SYNPO2: variants seen among roughly 807,000 people sequenced by gnomAD.
The protein encoded by SYNPO2 is synaptopodin-2.
SYNPO2 carries 56 observed loss-of-function variants against 85.0 expected under a neutral mutation model. The ratio of observed to expected loss-of-function variants is 0.66; its 90% CI spans 0.53 to 0.82. The LOEUF is 0.82. SYNPO2 is among the 40% of genes least tolerant of loss of function. SYNPO2 has a pLI of 0.00. For missense variants in SYNPO2, 1,575 were observed against 1,534.2 expected, an observed-to-expected ratio of 1.03 and a Z score of -0.44; for synonymous variants, 602 against 591.1, an observed-to-expected ratio of 1.02 and a Z score of -0.27.
chr4:118,932,007 G>T lies in SYNPO2; in HGVS notation c.105+42866G>T, dbSNP rs117563672. Among the ~76,000 whole-genome samples the T allele has an allele frequency of 3.5e-4, 53 of 152,264 alleles. No individual in the cohort carries two copies. The East Asian group carries it at 9.6e-3, about 28-fold the overall frequency. On this transcript the variant is annotated intron_variant, in intron 1 of 4. Transcript: ENST00000307142. ...TCTGTTCATATTACTCATTTTGCAAGCTGTGAATCTAGCATAATGAAGTAT... is the reference window on the plus strand; with the variant it reads ...TCTGTTCATATTACTCATTTTGCAATCTGTGAATCTAGCATAATGAAGTAT...
At chr4:118,900,066 G>C (rs1017218433) in intron 1 of SYNPO2, among the ~76,000 whole-genome samples, 12 of 152,118 alleles carry the variant, frequency 7.9e-5, no homozygotes, top group Non-Finnish European at 1.5e-4. Context: ...CCGGCCTGCT[G>C]TACTTTTTAT....
chr4:118,941,838 G>A lies in SYNPO2; in HGVS notation c.105+52697G>A, dbSNP rs1445263590. 2.0e-5 allele frequency among the ~76,000 whole-genome samples: 3 copies of A among 152,218 alleles called. No individual in the cohort carries two copies. The East Asian group carries it at 5.8e-4, about 29-fold the overall frequency. On this transcript the variant is annotated intron_variant, in intron 1 of 4. Coordinates refer to ENST00000307142, the MANE Select transcript of SYNPO2 (RefSeq NM_133477.3). Reference sequence around the variant, plus strand: ...TGCCATTCAGAAAGCAGAAAAGAACGAGGGGAAGGCAGAGGCCACCGCCTT... The same window carrying A: ...TGCCATTCAGAAAGCAGAAAAGAACAAGGGGAAGGCAGAGGCCACCGCCTT...
At chr4:119,048,002 C>T (rs1306968445) in intron 4 of SYNPO2, among the ~76,000 whole-genome samples, 2 of 152,162 alleles carry the variant, frequency 1.3e-5, no homozygotes, top group Non-Finnish European at 2.9e-5. Flanking sequence ...TTCAGGTTCT[C>T]TTTAGGGTTT....
intron 3 of SYNPO2, among the ~76,000 whole-genome samples, chr4:119,028,398 C>A (rs1167774905): frequency 6.6e-6 from 1 of 151,968 alleles, no homozygotes; most frequent in Admixed American, 6.6e-5. Flanking sequence ...TTAGCATAAC[C>A]ATTTGTAGCT....
intron 4 of SYNPO2, among the ~76,000 whole-genome samples, chr4:119,053,642 A>G (rs903197576): frequency 6.6e-6 from 1 of 152,134 alleles, no homozygotes; most frequent in Non-Finnish European, 1.5e-5. Context: ...CTGCATATTC[A>G]TCTCTTTGTT....
intron 1 of SYNPO2, among the ~76,000 whole-genome samples, chr4:118,969,315 T>C (rs1735438919): frequency 6.6e-6 from 1 of 152,222 alleles, no homozygotes; most frequent in African/African-American, 2.4e-5. Flanking sequence ...TTTGTAAAAG[T>C]TGTATATGGC....
At chr4:118,991,294 C>T (rs1034722294) in intron 1 of SYNPO2, among the ~76,000 whole-genome samples, 12 of 152,118 alleles carry the variant, frequency 7.9e-5, no homozygotes, top group Admixed American at 5.9e-4. Flanking sequence ...ATTACAGGCA[C>T]GCACCACCGC....
chr4:118,911,054 T>C (rs1230312863), intron 1 of SYNPO2, among the ~76,000 whole-genome samples: 3 of 152,206 alleles, frequency 2.0e-5, no homozygotes, highest in African/African-American at 7.2e-5. Context: ...GGAAATATAC[T>C]TTATATTTCT....
chr4:118,963,712 A>T (rs916836340), intron 1 of SYNPO2, among the ~76,000 whole-genome samples: 2 of 152,242 alleles, frequency 1.3e-5, no homozygotes, highest in African/African-American at 4.8e-5. Flanking sequence ...ACTGATTTTT[A>T]AAAATTAGTT....
Position 119,031,416 on chromosome 4 carries a change from T to G in SYNPO2, c.2641T>G (p.Ser881Ala), listed in dbSNP as rs768894819. 6.2e-7 allele frequency: 1 copy of G among 1,614,158 alleles called. No homozygotes were observed. The highest frequency in any genetic ancestry group is 8.5e-7 in the Non-Finnish European group (1 of 1,180,034). ...AGCTCAGCTCTTTGCTAAAAGGCAGTCGAGAATGGAGAAGTATGTGGTCGA... is the reference window on the plus strand; with the variant it reads ...AGCTCAGCTCTTTGCTAAAAGGCAGGCGAGAATGGAGAAGTATGTGGTCGA... ...RGAQLFAKRQ[S>A]RMEKYVVDSD... is the part of the protein sequence containing the mutation. Residue 881 changes from serine to alanine, a missense_variant, in exon 4 of 5, where the codon TCG becomes GCG. Around this residue, in one of 3 missense-constraint regions of SYNPO2, gnomAD observed 1,508 missense variants for 1,446.8 expected, o/e 1.04. Coordinates refer to ENST00000307142, the MANE Select transcript of SYNPO2 (RefSeq NM_133477.3).
chr4:119,035,230 C>T, intron 4 of SYNPO2: 2 of 985,402 alleles, frequency 2.0e-6, no homozygotes, highest in Non-Finnish European at 1.2e-6. Flanking sequence ...ATGTGTCAAA[C>T]CTCTCTTCCT....
At chr4:119,035,869 G>T in intron 4 of SYNPO2, 1 of 983,556 alleles carries the variant, frequency 1.0e-6, no homozygotes, top group South Asian at 4.7e-5. Context: ...GTAGACTAAC[G>T]TATGTGAGAC....
chr4:119,058,111 TACACACACAC>T lies in SYNPO2; in HGVS notation c.*187_*196del. 1 of 443,226 alleles carries T rather than the reference TACACACACAC, an allele frequency of 2.3e-6. No individual in the cohort carries two copies. Among genetic ancestry groups the T allele is most frequent in the Non-Finnish European group, 4.0e-6 (1 of 247,662 alleles). 27.5% of individuals were successfully genotyped at this position (443,226 alleles called of 1,614,324 possible). ...GTGTGTGTGTGTATGTATGTGAATA[TACACACACAC>T]ACACACACAGGTGAGTGTGAATACT... On this transcript the variant is annotated 3_prime_UTR_variant, in exon 5 of 5. Transcript: ENST00000307142.
At chr4:118,991,068 C>T (rs1221130107) in intron 1 of SYNPO2, among the ~76,000 whole-genome samples, 2 of 152,174 alleles carry the variant, frequency 1.3e-5, no homozygotes, top group Non-Finnish European at 2.9e-5. Flanking sequence ...ACCATCAGTT[C>T]CAGGACTTTA....
At chr4:118,870,502 A>T (rs574905561) in intron 1 of SYNPO2, among the ~76,000 whole-genome samples, 1 of 152,338 alleles carries the variant, frequency 6.6e-6, no homozygotes, top group South Asian at 2.1e-4. Flanking sequence ...GAACATACAC[A>T]TGCATGTGTC....
In SYNPO2 at chr4:119,031,763, C is replaced by T; in HGVS notation, c.2988C>T (p.Val996=). 6.2e-7 allele frequency: 1 copy of T among 1,614,246 alleles called. No individual in the cohort carries two copies. The highest frequency in any genetic ancestry group is 1.7e-5 in the Admixed American group (1 of 60,030). Residue 996 remains valine, a synonymous_variant, in exon 4 of 5, where the codon GTC becomes GTT. Transcript: ENST00000307142. ...TCCCCCAGAAGTCATCAGTCAAGGT[C>T]AATTCAGCCCTGGCCATGAAGCAAG... ...DGLPQKSSVK[V]NSALAMKQAL...
chr4:118,959,228 A>C (rs1173826417), intron 1 of SYNPO2, among the ~76,000 whole-genome samples: 1 of 152,094 alleles, frequency 6.6e-6, no homozygotes, highest in African/African-American at 2.4e-5. Flanking sequence ...TTGAATCATT[A>C]CTCCCCACCT....
intron 1 of SYNPO2, among the ~76,000 whole-genome samples, chr4:118,982,058 C>T (rs1453383397): frequency 1.3e-5 from 2 of 152,108 alleles, no homozygotes; most frequent in Admixed American, 6.6e-5. Flanking sequence ...AGGCACATCA[C>T]TGTAGTTCAG....
intron 1 of SYNPO2, among the ~76,000 whole-genome samples, chr4:118,965,778 A>C (rs1241156585): frequency 2.0e-5 from 3 of 152,128 alleles, no homozygotes; most frequent in African/African-American, 7.2e-5. Context: ...AGTACGTACA[A>C]GATGATATCA....
Sources: gnomAD v4.1 joint callset for allele counts (sites outside exome capture counted in the v4.1 genomes callset) on GRCh38, gnomAD v4.1.1 for gene constraint, gnomAD v4.1.1 regional missense constraint, MANE v1.5 for transcripts, NCBI Gene and HGNC (gene_info 2026-07-23, HGNC 2026-07-21) for gene names.